STXBP5: variants seen among roughly 807,000 people sequenced by gnomAD.
The protein encoded by STXBP5 is syntaxin-binding protein 5.
A neutral mutation model predicts 152.4 loss-of-function variants in STXBP5; 50 were observed. The observed-to-expected ratio is 0.33, with a 90% CI of 0.26 to 0.42. The LOEUF (loss-of-function observed/expected upper bound fraction) is 0.42. Among genes scored for constraint, STXBP5 ranks in the 10% least tolerant of loss-of-function variants. The pLI is 1.00. For synonymous variants in STXBP5, 492 were observed against 494.7 expected (o/e 0.99, Z 0.07); for missense variants, 1,167 against 1,388.6 (o/e 0.84, Z 2.54).
rs551041112 is a variant in STXBP5, at chr6:147,296,817, A to G, written c.917+5645A>G. Among the ~76,000 whole-genome samples, 10 of 152,320 alleles carry G rather than the reference A, an allele frequency of 6.6e-5. No individual in the cohort carries two copies. The South Asian group carries it at 2.1e-3, about 32-fold the overall frequency. On this transcript the variant is annotated intron_variant, in intron 9 of 27. Transcript: ENST00000321680. ...GAAATCTTGGAACTGAAGAACTTAA[A>G]TGAAAAATACAATTGAGAGTTTCAG... is the stretch of plus-strand genomic sequence containing the variant.
Position 147,363,633 on chromosome 6 carries a change from A to G in STXBP5, c.2844A>G (p.Gly948=). The G allele has an allele frequency of 6.2e-7, 1 of 1,614,162 alleles. No homozygotes were observed. Among genetic ancestry groups the G allele is most frequent in the Non-Finnish European group, 8.5e-7 (1 of 1,180,030 alleles). The change falls in exon 24 of 28, where the codon GGA becomes GGG. Residue 948 remains glycine (G), a synonymous_variant. Transcript: ENST00000321680. ...CAGAGACCTCGTTTGTGCTTCGTGG[A>G]GATATTGTAGCATTGAGTAACAGTA... ...NITETSFVLR[G]DIVALSNSIC... is the part of the protein sequence containing the mutation.
At chr6:147,357,839 G>C (rs1308115875) in intron 22 of STXBP5, among the ~76,000 whole-genome samples, 1 of 152,114 alleles carries the variant, frequency 6.6e-6, no homozygotes, top group East Asian at 1.9e-4. Context: ...GAATTTACTG[G>C]TTTGGGGGAA....
At chr6:147,370,399 C>T (rs561428368) in intron 25 of STXBP5, among the ~76,000 whole-genome samples, 6 of 151,918 alleles carry the variant, frequency 3.9e-5, no homozygotes, top group Admixed American at 6.6e-5. Context: ...TTTTGTATGT[C>T]GATTATACTT....
At chr6:147,242,721 G>C (rs1237834932) in intron 4 of STXBP5, among the ~76,000 whole-genome samples, 1 of 152,124 alleles carries the variant, frequency 6.6e-6, no homozygotes, top group Non-Finnish European at 1.5e-5. Context: ...ATACAGCCTA[G>C]GTGTGTAGTA....
intron 21 of STXBP5, among the ~76,000 whole-genome samples, chr6:147,349,625 G>A (rs527239623): frequency 6.6e-6 from 1 of 152,260 alleles, no homozygotes; most frequent in East Asian, 1.9e-4. Context: ...GACTGAGATA[G>A]GGTATAAATC....
intron 2 of STXBP5, among the ~76,000 whole-genome samples, chr6:147,219,113 C>T (rs1176956331): frequency 6.6e-6 from 1 of 152,136 alleles, no homozygotes; most frequent in African/African-American, 2.4e-5. Flanking sequence ...AGTTGAGCAA[C>T]TTCACCTGTA....
chr6:147,208,840 TAGACAAGGATTAGTGA>T (rs1345744241), intron 2 of STXBP5, among the ~76,000 whole-genome samples: 2 of 152,264 alleles, frequency 1.3e-5, no homozygotes, highest in East Asian at 3.9e-4. Context: ...CTAATGTTTG[TAGACAAGGATTAGTGA>T]AAAATCTTAA....
chr6:147,315,481 T>A, intron 14 of STXBP5, 34 bp from the exon 15 acceptor site: 1 of 1,403,544 alleles, frequency 7.1e-7, no homozygotes, highest in Non-Finnish European at 9.9e-7. Context: ...TCATTTTATA[T>A]TAAAGTATCT....
intron 9 of STXBP5, among the ~76,000 whole-genome samples, chr6:147,291,744 A>G (rs1030822412): frequency 6.6e-6 from 1 of 152,148 alleles, no homozygotes; most frequent in African/African-American, 2.4e-5. Flanking sequence ...ATTAAAAAAT[A>G]TAAAGAAAAA....
At chr6:147,284,227 A>G (rs146657828) in intron 8 of STXBP5, among the ~76,000 whole-genome samples, 122 of 152,248 alleles carry the variant, frequency 8.0e-4, no homozygotes, top group African/African-American at 2.8e-3. Context: ...ACTTACGGCT[A>G]CCCTATTGGA....
chr6:147,319,937 G>C (rs574348918), intron 16 of STXBP5, among the ~76,000 whole-genome samples: 21 of 148,580 alleles, frequency 1.4e-4, no homozygotes, highest in African/African-American at 5.2e-4. Flanking sequence ...GACCTCCTGG[G>C]CTCAATCAGT....
At chr6:147,314,157 A>C in intron 12 of STXBP5, 107 bp from the exon 13 acceptor site, 4 of 1,432,330 alleles carry the variant, frequency 2.8e-6, no homozygotes, top group Non-Finnish European at 3.9e-6. Flanking sequence ...TTTTGCAAGC[A>C]AAATATGTTT....
In STXBP5 at chr6:147,288,680, A is replaced by G. The variant is rs147125112; in HGVS notation, c.839-2414A>G. Reference sequence around the variant, plus strand: ...TCTGTATGGGTCTGCAGTAACCTCAATTCTTGCCTCCTCAGAAGAAAGAAT... The same window carrying G: ...TCTGTATGGGTCTGCAGTAACCTCAGTTCTTGCCTCCTCAGAAGAAAGAAT... On this transcript the variant is annotated intron_variant, in intron 8 of 27. Coordinates refer to ENST00000321680, the MANE Select transcript of STXBP5 (RefSeq NM_001127715.4). Among the ~76,000 whole-genome samples, 403 of 152,286 alleles carry G rather than the reference A, an allele frequency of 2.6e-3. 4 individuals are homozygous for G. The highest frequency in any genetic ancestry group is 9.5e-3 in the African/African-American group (395 of 41,560).
Position 147,384,702 on chromosome 6 carries a change from T to C in STXBP5, c.3415-12T>C. 1 of 1,608,718 alleles carries C rather than the reference T, an allele frequency of 6.2e-7. No individual in the cohort carries two copies. The highest frequency in any genetic ancestry group is 8.5e-7 in the Non-Finnish European group (1 of 1,177,820). The stretch of plus-strand genomic sequence containing the variant: ...TTTTAAAAGCATGTTTTTCTTTTTT[T>C]TCCCCCTTTAGATTATGTTGAAATA... On this transcript the variant is annotated splice_polypyrimidine_tract_variant and intron_variant, in intron 27 of 27. Coordinates refer to ENST00000321680, the MANE Select transcript of STXBP5 (RefSeq NM_001127715.4).
At chr6:147,264,091 A>T (rs904211551) in intron 6 of STXBP5, among the ~76,000 whole-genome samples, 25 of 151,140 alleles carry the variant, frequency 1.7e-4, no homozygotes, top group African/African-American at 5.1e-4. Context: ...TATATATATA[A>T]AATTTAAAAA....
chr6:147,336,598 C>A (rs1342487755), intron 19 of STXBP5, among the ~76,000 whole-genome samples: 1 of 152,020 alleles, frequency 6.6e-6, no homozygotes, highest in East Asian at 1.9e-4. Context: ...AATTAAATTA[C>A]AAGCCTCAAA....
At chr6:147,340,197 A>T (rs1433510613) in intron 21 of STXBP5, among the ~76,000 whole-genome samples, 1 of 152,070 alleles carries the variant, frequency 6.6e-6, no homozygotes, top group African/African-American at 2.4e-5. Flanking sequence ...GTCAAATTAG[A>T]GGAATTTCTA....
chr6:147,231,312 A>G (rs1582816081), intron 2 of STXBP5, among the ~76,000 whole-genome samples: 1 of 151,770 alleles, frequency 6.6e-6, no homozygotes, highest in African/African-American at 2.4e-5. Context: ...TGTCACATAC[A>G]TCTTCTCTTC....
chr6:147,255,501 T>TTTGTTGTTG (rs138694030), intron 4 of STXBP5, among the ~76,000 whole-genome samples: 18 of 151,154 alleles, frequency 1.2e-4, no homozygotes, highest in South Asian at 2.1e-4. Context: ...TTTGTTCCTT[T>TTTGTTGTTG]TTGTTGTTGT....
Sources: allele counts gnomAD v4.1 joint callset (sites outside exome capture counted in the v4.1 genomes callset), GRCh38; gene constraint gnomAD v4.1.1; transcripts MANE v1.5; gene names NCBI Gene and HGNC (gene_info 2026-07-23, HGNC 2026-07-21).